The following DTNB variants were observed in gnomAD, a reference collection of about 807,000 sequenced individuals.
DTNB encodes dystrobrevin beta.
In DTNB, 63 loss-of-function variants were observed where a neutral mutation model predicts 90.7. That is an observed-to-expected ratio of 0.69 (90% CI 0.57 to 0.86). The LOEUF (loss-of-function observed/expected upper bound fraction) is 0.86. DTNB is among the 40% of genes least tolerant of loss of function. The pLI is 0.00. For synonymous variants in DTNB, 277 were observed against 286.7 expected, an observed-to-expected ratio of 0.97 and a Z score of 0.34; for missense variants, 744 against 807.1, an observed-to-expected ratio of 0.92 and a Z score of 0.95.
At chr2:25,600,084 C>A (rs868394873) in intron 5 of DTNB, among the ~76,000 whole-genome samples, 19 of 152,150 alleles carry the variant, frequency 1.2e-4, no homozygotes, top group African/African-American at 4.6e-4. Context: ...GGTAACAGAG[C>A]AAGACCCTAT....
chr2:25,609,856 C>T (rs1258706273), intron 4 of DTNB, among the ~76,000 whole-genome samples: 1 of 151,610 alleles, frequency 6.6e-6, no homozygotes, highest in East Asian at 1.9e-4. Context: ...AACAAATCAA[C>T]TTTATAAAAA....
chr2:25,621,532 C>G (rs1408399643), intron 4 of DTNB, among the ~76,000 whole-genome samples: 2 of 149,896 alleles, frequency 1.3e-5, no homozygotes, highest in Non-Finnish European at 3.0e-5. Flanking sequence ...CCGCAACTTC[C>G]GCCTCCCGGG....
chr2:25,592,365 T>C (rs1209075751), intron 6 of DTNB, among the ~76,000 whole-genome samples: 1 of 152,178 alleles, frequency 6.6e-6, no homozygotes. Flanking sequence ...ATTAGTTTTA[T>C]TAAGAAACCA....
chr2:25,515,778 T>C (rs1361693928), intron 9 of DTNB, among the ~76,000 whole-genome samples: 3 of 152,102 alleles, frequency 2.0e-5, no homozygotes, highest in South Asian at 2.1e-4. Context: ...GGTTTCACCA[T>C]GTTGGCCAGG....
chr2:25,467,292 T>C (rs1461405931), intron 10 of DTNB, among the ~76,000 whole-genome samples: 1 of 129,170 alleles, frequency 7.7e-6, no homozygotes, highest in African/African-American at 3.2e-5. Context: ...CTTTGTTTTC[T>C]TTCTTTCTTT....
At chr2:25,403,811 T>C (rs1030033959) in intron 16 of DTNB, among the ~76,000 whole-genome samples, 32 of 152,218 alleles carry the variant, frequency 2.1e-4, no homozygotes, top group Admixed American at 8.5e-4. Flanking sequence ...GTTTGTTTGT[T>C]TTTTGAGATA....
chr2:25,604,325 G>C (rs1037360707), intron 5 of DTNB, among the ~76,000 whole-genome samples: 6 of 152,152 alleles, frequency 3.9e-5, no homozygotes, highest in Admixed American at 3.9e-4. Context: ...GCATCCTTAA[G>C]AGATGAAAAT....
chr2:25,579,976 CTTTTTTT>C (rs59639406), intron 7 of DTNB, among the ~76,000 whole-genome samples: 5 of 52,984 alleles, frequency 9.4e-5, no homozygotes, highest in South Asian at 1.9e-3. Context: ...AGTATCCTTT[CTTTTTTT>C]TTTTTTTTTT....
chr2:25,662,680 AAAC>A (rs768950348), intron 1 of DTNB, among the ~76,000 whole-genome samples: 36,162 of 129,110 alleles, frequency 0.28, 5,026 homozygotes, highest in Non-Finnish European at 0.36. Flanking sequence ...ACACACACAC[AAAC>A]ACACACACAC....
intron 6 of DTNB, among the ~76,000 whole-genome samples, chr2:25,582,605 A>G (rs77754706): frequency 7.6e-4 from 116 of 152,282 alleles, no homozygotes; most frequent in Non-Finnish European, 1.5e-3. Context: ...TCCTCAATTT[A>G]ACTTCTAATA....
intron 10 of DTNB, among the ~76,000 whole-genome samples, chr2:25,476,181 G>T (rs897428011): frequency 6.6e-6 from 1 of 150,572 alleles, no homozygotes; most frequent in Non-Finnish European, 1.5e-5. Context: ...TAATTCTCCT[G>T]CCTCAGCCTC....
At chr2:25,604,259 G>A (rs942265351) in intron 5 of DTNB, among the ~76,000 whole-genome samples, 1 of 152,106 alleles carries the variant, frequency 6.6e-6, no homozygotes, top group Non-Finnish European at 1.5e-5. Flanking sequence ...AAAATAGGAG[G>A]AGTAGACAAA....
At chr2:25,569,979 C>T (rs2059584834) in intron 8 of DTNB, among the ~76,000 whole-genome samples, 1 of 151,890 alleles carries the variant, frequency 6.6e-6, no homozygotes, top group South Asian at 2.1e-4. Flanking sequence ...CGCCTGTAAT[C>T]CCAGCTACTC....
intron 1 of DTNB, among the ~76,000 whole-genome samples, chr2:25,662,907 A>C (rs1268965720): frequency 1.3e-5 from 2 of 151,902 alleles, no homozygotes; most frequent in Non-Finnish European, 2.9e-5. Context: ...ATATTTTTTT[A>C]ATTTTACTTT....
chr2:25,453,913 T>C (rs1168547702), intron 11 of DTNB, among the ~76,000 whole-genome samples: 3 of 152,162 alleles, frequency 2.0e-5, no homozygotes, highest in African/African-American at 7.2e-5. Context: ...TTTGGGAGGC[T>C]GAGGCCGGCG....
intron 12 of DTNB, among the ~76,000 whole-genome samples, chr2:25,434,700 G>A (rs928757782): frequency 6.6e-6 from 1 of 151,952 alleles, no homozygotes; most frequent in South Asian, 2.1e-4. Flanking sequence ...GTCTATGTAT[G>A]TTTTCATTTC....
intron 9 of DTNB, among the ~76,000 whole-genome samples, chr2:25,494,389 T>G (rs746772804): frequency 1.2e-4 from 18 of 151,178 alleles, no homozygotes; most frequent in Non-Finnish European, 2.4e-4. Flanking sequence ...GAACAATAAA[T>G]TTTCAAGTTT....
chr2:25,393,368 G>C (rs886452638), intron 16 of DTNB, among the ~76,000 whole-genome samples: 1 of 152,148 alleles, frequency 6.6e-6, no homozygotes. Flanking sequence ...CATAGTACTG[G>C]AAGTCCTAGC....
intron 8 of DTNB, among the ~76,000 whole-genome samples, chr2:25,575,642 C>T (rs769065809): frequency 2.6e-5 from 4 of 151,836 alleles, no homozygotes; most frequent in African/African-American, 4.8e-5. Flanking sequence ...TTTGCTTTTT[C>T]TTGGTTGAGT....
Sources: gnomAD v4.1 joint callset for allele counts (sites outside exome capture counted in the v4.1 genomes callset) on GRCh38, gnomAD v4.1.1 for gene constraint, MANE v1.5 for transcripts, NCBI Gene and HGNC (gene_info 2026-07-23, HGNC 2026-07-21) for gene names.